CYP2U1: variants seen among roughly 807,000 people sequenced by gnomAD.
CYP2U1 encodes cytochrome P450 2U1.
Under a neutral mutation model 42.8 loss-of-function variants are expected in CYP2U1, and 28 were observed. The observed-to-expected ratio is 0.65, with a 90% CI of 0.48 to 0.90. The LOEUF is 0.90. Ranked by LOEUF, CYP2U1 falls within the 40% of genes least tolerant of loss-of-function variation. The probability of loss-of-function intolerance (pLI) is 0.00; values close to 1 mark genes in which losing one functional copy is unlikely to be tolerated. For synonymous variants in CYP2U1, 296 were observed against 278.9 expected (o/e 1.06, Z -0.61); for missense variants, 642 against 693.8 (o/e 0.93, Z 0.84).
chr4:107,942,014 A>G (rs1025578408), intron 1 of CYP2U1, among the ~76,000 whole-genome samples: 2 of 152,244 alleles, frequency 1.3e-5, no homozygotes, highest in East Asian at 3.8e-4. Flanking sequence ...AAGCAAGTTT[A>G]GATTCATTCT....
chr4:107,944,082 G>A (rs1026901219), intron 1 of CYP2U1, among the ~76,000 whole-genome samples: 3 of 152,130 alleles, frequency 2.0e-5, no homozygotes, highest in Admixed American at 6.6e-5. Context: ...TTGATGTCCA[G>A]TAGTTCTAAT....
At chr4:107,942,737 A>G (rs2126197355) in intron 1 of CYP2U1, among the ~76,000 whole-genome samples, 1 of 152,318 alleles carries the variant, frequency 6.6e-6, no homozygotes, top group East Asian at 1.9e-4. Flanking sequence ...CTACATAGGG[A>G]AAAAATGTTT....
At chr4:107,936,089 A>G (rs1367899977) in intron 1 of CYP2U1, 2 of 152,142 alleles carry the variant, frequency 1.3e-5, no homozygotes, top group Non-Finnish European at 2.9e-5. Flanking sequence ...TCATGATTAG[A>G]CAAGGTGGTC....
In CYP2U1 at chr4:107,945,520, G is replaced by A. The variant is rs1733669384; in HGVS notation, c.1041G>A (p.Gly347=). The A allele has an allele frequency of 6.2e-7, 1 of 1,613,846 alleles. No individual in the cohort carries two copies. Among genetic ancestry groups the A allele is most frequent in the African/African-American group, 1.3e-5 (1 of 75,014 alleles). ...FDEEYLFYII[G]DLFIAGTDTT... Reference sequence around the variant, plus strand: ...AAGAGTACTTATTTTATATCATTGGGGATCTCTTTATTGCTGGGACTGATA... The same window carrying A: ...AAGAGTACTTATTTTATATCATTGGAGATCTCTTTATTGCTGGGACTGATA... Residue 347 remains glycine, a synonymous_variant, in exon 2 of 5, where the codon GGG becomes GGA. Coordinates refer to ENST00000332884, the MANE Select transcript of CYP2U1 (RefSeq NM_183075.3).
At chr4:107,948,115 G>A in intron 3 of CYP2U1, among the ~76,000 whole-genome samples, 1 of 151,104 alleles carries the variant, frequency 6.6e-6, no homozygotes, top group South Asian at 2.1e-4. Flanking sequence ...TAAAAATACA[G>A]AAATTAGCCA....
At chr4:107,941,065 G>A (rs1016124383) in intron 1 of CYP2U1, 2 of 151,850 alleles carry the variant, frequency 1.3e-5, no homozygotes, top group Non-Finnish European at 2.9e-5. Flanking sequence ...AAAGAAAAGT[G>A]GTTCTTTTTT....
chr4:107,949,139 G>A (rs1733818503), intron 3 of CYP2U1, among the ~76,000 whole-genome samples: 1 of 152,108 alleles, frequency 6.6e-6, no homozygotes, highest in African/African-American at 2.4e-5. Flanking sequence ...AGCACTGCCT[G>A]CTCCCTGTCT....
rs1455866012 is a variant in CYP2U1 at position 107,950,252 on chromosome 4, G to T, written c.1464G>T (p.Arg488=). The change falls in exon 5 of 5, where the codon CGG becomes CGT. Residue 488 remains arginine (R), a synonymous_variant. Transcript: ENST00000332884. ...ETFIPFGIGK[R]VCMGEQLAKM... The stretch of plus-strand genomic sequence containing the variant: ...TTCTGATCTCATTTTTAGGGAAGCG[G>T]GTGTGTATGGGAGAACAACTGGCAA... 3.1e-6 allele frequency: 5 copies of T among 1,602,552 alleles called. No homozygotes were observed. Among genetic ancestry groups the T allele is most frequent in the Non-Finnish European group, 4.3e-6 (5 of 1,175,082 alleles).
chr4:107,931,748 CGCGCTGCTGCTATGCGGCCTCGTA>C lies in CYP2U1; in HGVS notation c.115_138del (p.Leu39_Leu46del), dbSNP rs1732985366. On this transcript the variant is annotated inframe_deletion, in exon 1 of 5. Coordinates refer to ENST00000332884, the MANE Select transcript of CYP2U1 (RefSeq NM_183075.3). ...TGCTGCGGCTGGACCCCAGCGGGGG[CGCGCTGCTGCTATGCGGCCTCGTA>C]GCGCTGCTGGGCTGGAGCTGGCTGC... 6 of 1,425,196 alleles carry C rather than the reference CGCGCTGCTGCTATGCGGCCTCGTA, an allele frequency of 4.2e-6. No individual in the cohort carries two copies. Among genetic ancestry groups the C allele is most frequent in the Non-Finnish European group, 5.5e-6 (6 of 1,099,156 alleles). The allele number at this position is 1,425,196 out of a possible 1,614,324, so 88.3% of individuals were successfully genotyped here. A position where few individuals can be genotyped will look rare whatever the true frequency, so the allele number is the denominator to read the frequency against.
rs1490461816 is a variant in CYP2U1, at chr4:107,952,242, G to C, written c.*1819G>C. 6.6e-6 allele frequency: 1 copy of C among 152,176 alleles called. No homozygotes were observed. The highest frequency in any genetic ancestry group is 1.9e-4 in the East Asian group (1 of 5,194). 9.4% of individuals were successfully genotyped at this position (152,176 alleles called of 1,614,324 possible). A position where few individuals can be genotyped will look rare whatever the true frequency, so the allele number is the denominator to read the frequency against. On this transcript the variant is annotated 3_prime_UTR_variant, in exon 5 of 5. Transcript: ENST00000332884. ...GGTGATAAATCAGTGTATATTATTT[G>C]TTAATGTCCATTAAAGCCAGTTTTT...
intron 3 of CYP2U1, among the ~76,000 whole-genome samples, 153 bp downstream of exon 3, chr4:107,947,690 G>A (rs1343695960): frequency 6.6e-6 from 1 of 152,224 alleles, no homozygotes; most frequent in Non-Finnish European, 1.5e-5. Context: ...TCTAGGGAAT[G>A]TTCAGCCCTC....
At chr4:107,940,085 C>CTT (rs375033950) in intron 1 of CYP2U1, 42 of 142,494 alleles carry the variant, frequency 2.9e-4, no homozygotes, top group Admixed American at 6.3e-4. Flanking sequence ...CTTTTTTTTC[C>CTT]TTTTTTTTTT....
In CYP2U1 at chr4:107,945,383, A is replaced by G; in HGVS notation, c.904A>G (p.Ile302Val). ...KDITSFLKKI[I>V]KDHQESLDRE... is the part of the protein sequence containing the mutation. ...TATAACCAGTTTCCTTAAAAAAATCATCAAAGACCATCAAGAGTCTCTGGA... is the reference window on the plus strand; with the variant it reads ...TATAACCAGTTTCCTTAAAAAAATCGTCAAAGACCATCAAGAGTCTCTGGA... Residue 302 changes from isoleucine to valine, a missense_variant, in exon 2 of 5, where the codon ATC becomes GTC. By Grantham distance (29) the Ile-to-Val change is conservative. Transcript: ENST00000332884. 1 of 1,614,142 alleles carries G rather than the reference A, an allele frequency of 6.2e-7. No individual in the cohort carries two copies. Among genetic ancestry groups the G allele is most frequent in the Non-Finnish European group, 8.5e-7 (1 of 1,180,022 alleles).
intron 1 of CYP2U1, among the ~76,000 whole-genome samples, chr4:107,944,693 TTTTCA>T (rs1313779704): frequency 2.6e-5 from 4 of 151,162 alleles, no homozygotes; most frequent in Non-Finnish European, 5.9e-5. Context: ...AACTCATTGC[TTTTCA>T]TTTCACCAGG....
Position 107,947,409 on chromosome 4 carries a change from G to T in CYP2U1, c.1160G>T (p.Gly387Val). ...CATGAAGAAATTGAAAGAGTCATTGGCGCCAACCGAGCTCCTTCCCTCACA... is the reference window on the plus strand; with the variant it reads ...CATGAAGAAATTGAAAGAGTCATTGTCGCCAACCGAGCTCCTTCCCTCACA... ...KVHEEIERVI[G>V]ANRAPSLTDK... Residue 387 changes from glycine (G) to valine (V), a missense_variant, in exon 3 of 5, where the codon GGC becomes GTC. By Grantham distance (109) the Gly-to-Val change is moderately radical. Coordinates refer to ENST00000332884, the MANE Select transcript of CYP2U1 (RefSeq NM_183075.3). 1 of 1,614,026 alleles carries T rather than the reference G, an allele frequency of 6.2e-7. No homozygotes were observed. Among genetic ancestry groups the T allele is most frequent in the East Asian group, 2.2e-5 (1 of 44,872 alleles).
intron 1 of CYP2U1, among the ~76,000 whole-genome samples, chr4:107,934,679 C>G (rs968610052): frequency 2.6e-5 from 4 of 152,182 alleles, no homozygotes; most frequent in Non-Finnish European, 5.9e-5. Flanking sequence ...TCTGCCTTCA[C>G]TTGTACATTT....
chr4:107,937,502 A>G (rs1026836536), intron 1 of CYP2U1: 13 of 150,178 alleles, frequency 8.7e-5, no homozygotes, highest in African/African-American at 3.2e-4. Flanking sequence ...TTTTTTCTAC[A>G]TGTACATGTA....
chr4:107,952,623 C>T lies in CYP2U1; in HGVS notation c.*2200C>T, dbSNP rs981400006. ...GATCTCCCTAACCTCTGACTTCTGCCGTTAGCCATACTCTGTGTAGTTAGA... is the reference window on the plus strand; with the variant it reads ...GATCTCCCTAACCTCTGACTTCTGCTGTTAGCCATACTCTGTGTAGTTAGA... On this transcript the variant is annotated 3_prime_UTR_variant, in exon 5 of 5. Coordinates refer to ENST00000332884, the MANE Select transcript of CYP2U1 (RefSeq NM_183075.3). 7 of 152,200 alleles carry T rather than the reference C, an allele frequency of 4.6e-5. 1 individual carries two copies. The highest frequency in any genetic ancestry group is 2.6e-4 in the Admixed American group (4 of 15,278). The allele number at this position is 152,200 out of a possible 1,614,324, so 9.4% of individuals were successfully genotyped here. A position where few individuals can be genotyped will look rare whatever the true frequency, so the allele number is the denominator to read the frequency against.
At chr4:107,933,521 C>A (rs111762396) in intron 1 of CYP2U1, among the ~76,000 whole-genome samples, 2,362 of 152,242 alleles carry the variant, frequency 0.016, 54 homozygotes, top group African/African-American at 0.052. Context: ...TATCCCTACT[C>A]ATTTAAAATC....
Sources: gnomAD v4.1 joint callset for allele counts (sites outside exome capture counted in the v4.1 genomes callset) on GRCh38, gnomAD v4.1.1 for gene constraint, MANE v1.5 for transcripts, NCBI Gene and HGNC (gene_info 2026-07-23, HGNC 2026-07-21) for gene names.